SATB1: variants seen among roughly 807,000 people sequenced by gnomAD.
The protein encoded by SATB1 is SATB homeobox 1, also known as DNA-binding protein SATB1.
SATB1 carries 11 observed loss-of-function variants against 86.9 expected under a neutral mutation model. The ratio of observed to expected loss-of-function variants is 0.13; its 90% CI spans 0.08 to 0.21. The LOEUF (loss-of-function observed/expected upper bound fraction) is 0.21. Among genes scored for constraint, SATB1 ranks in the 10% least tolerant of loss-of-function variants. The probability of loss-of-function intolerance (pLI) is 1.00; values close to 1 mark genes in which losing one functional copy is unlikely to be tolerated. For missense variants in SATB1, 551 were observed against 937.6 expected, an observed-to-expected ratio of 0.59 and a Z score of 5.39; for synonymous variants, 357 against 357.2, an observed-to-expected ratio of 1.00 and a Z score of 0.01.
chr3:18,407,426 T>G (rs1697596002), intron 5 of SATB1, among the ~76,000 whole-genome samples: 1 of 151,978 alleles, frequency 6.6e-6, no homozygotes, highest in Admixed American at 6.6e-5. Context: ...AGCCAGAGAG[T>G]TACATAGACC....
chr3:18,412,871 T>C (rs1364723347), intron 5 of SATB1, among the ~76,000 whole-genome samples: 2 of 152,024 alleles, frequency 1.3e-5, no homozygotes, highest in African/African-American at 2.4e-5. Flanking sequence ...ATCAGATTCA[T>C]AGAAAAAGAG....
At chr3:18,366,676 T>C (rs1203438875) in intron 9 of SATB1, among the ~76,000 whole-genome samples, 2 of 152,178 alleles carry the variant, frequency 1.3e-5, no homozygotes, top group African/African-American at 4.8e-5. Context: ...GCTAGGTCTC[T>C]GTATGATAAT....
Position 18,381,807 on chromosome 3 carries a change from G to A in SATB1, c.1420-3482C>T, listed in dbSNP as rs1454578374. On this transcript the variant is annotated intron_variant, in intron 8 of 10. Transcript: ENST00000338745. ...AAAATAAGAAATGTCCTCTTTTATGGATGCTTATTAGTGATGGAAAATATT... is the reference window on the plus strand; with the variant it reads ...AAAATAAGAAATGTCCTCTTTTATGAATGCTTATTAGTGATGGAAAATATT... 2.0e-5 allele frequency among the ~76,000 whole-genome samples: 3 copies of A among 151,676 alleles called. No homozygotes were observed. The South Asian group carries it at 6.3e-4, about 32-fold the overall frequency.
At chr3:18,430,978 G>A (rs1698870751) in intron 2 of SATB1, among the ~76,000 whole-genome samples, 1 of 152,110 alleles carries the variant, frequency 6.6e-6, no homozygotes, top group South Asian at 2.1e-4. Flanking sequence ...AGGATATCTG[G>A]GCCTTTTACT....
intron 9 of SATB1, among the ~76,000 whole-genome samples, chr3:18,358,933 T>C (rs953911303): frequency 3.9e-5 from 6 of 151,936 alleles, no homozygotes; most frequent in African/African-American, 1.2e-4. Flanking sequence ...TTTGCTTGAG[T>C]AAATTTTTGC....
Position 18,394,301 on chromosome 3 carries a change from A to G in SATB1, c.1206+161T>C, listed in dbSNP as rs868516130. On this transcript the variant is annotated intron_variant, in intron 7 of 10. Coordinates refer to ENST00000338745, the MANE Select transcript of SATB1 (RefSeq NM_002971.6). This position sits in a 1 kb window ranked among gnomAD's most constrained non-coding sequence, Gnocchi z 5.9. Reference sequence around the variant, plus strand: ...TTCAGAAGTATATCATAGGAAAAGGAGTGGTAAAATTGAGGCTCCACCAGG... The same window carrying G: ...TTCAGAAGTATATCATAGGAAAAGGGGTGGTAAAATTGAGGCTCCACCAGG... 6.6e-6 allele frequency among the ~76,000 whole-genome samples: 1 copy of G among 152,230 alleles called. No individual in the cohort carries two copies. Among genetic ancestry groups the G allele is most frequent in the African/African-American group, 2.4e-5 (1 of 41,458 alleles).
intron 8 of SATB1, among the ~76,000 whole-genome samples, chr3:18,381,122 T>C (rs921470325): frequency 3.9e-5 from 6 of 152,212 alleles, no homozygotes; most frequent in African/African-American, 9.6e-5. Flanking sequence ...CATGTGGGGA[T>C]AGGGTGCAGC....
intron 5 of SATB1, among the ~76,000 whole-genome samples, 184 bp from the exon 6 acceptor site, chr3:18,397,474 T>A (rs563210837): frequency 6.4e-4 from 97 of 152,290 alleles, no homozygotes; most frequent in South Asian, 5.6e-3. Context: ...AATGCTTATT[T>A]AAGTAGAAAG....
chr3:18,412,422 A>G (rs1447897775), intron 5 of SATB1, among the ~76,000 whole-genome samples: 1 of 152,076 alleles, frequency 6.6e-6, no homozygotes, highest in Non-Finnish European at 1.5e-5. Context: ...ACCTGCCCAC[A>G]GGGTGAACTT....
chr3:18,356,462 C>A, intron 9 of SATB1, among the ~76,000 whole-genome samples: 1 of 147,670 alleles, frequency 6.8e-6, no homozygotes, highest in African/African-American at 2.5e-5. Context: ...GAATAACTGC[C>A]AAATCAGTAC....
intron 10 of SATB1, chr3:18,351,418 A>G: frequency 6.5e-7 from 1 of 1,532,820 alleles, no homozygotes; most frequent in Non-Finnish European, 8.8e-7. Flanking sequence ...TCTAAAGGAA[A>G]GACAAACAGA....
rs991945299 is a variant in SATB1, at chr3:18,422,984, A to C, written c.-25+643T>G. 2.6e-5 allele frequency among the ~76,000 whole-genome samples: 4 copies of C among 152,340 alleles called. No homozygotes were observed. In the East Asian group the frequency reaches 7.7e-4, roughly 29 times the overall value. On this transcript the variant is annotated intron_variant, in intron 1 of 10. Transcript: ENST00000338745. ...ACCTATAAGCATCTATTAAACACTAAGTCGTGGTGTAAAAAGCTTTACATT... is the reference window on the plus strand; with the variant it reads ...ACCTATAAGCATCTATTAAACACTACGTCGTGGTGTAAAAAGCTTTACATT...
At position 18,394,734 on chromosome 3, in the gene SATB1, T is replaced by C. The variant is rs759463435; in HGVS notation, c.934A>G (p.Ile312Val). 10 of 1,613,918 alleles carry C rather than the reference T, an allele frequency of 6.2e-6. No homozygotes were observed. The highest frequency in any genetic ancestry group is 1.7e-5 in the Admixed American group (1 of 59,990). Residue 312 changes from isoleucine (I) to valine (V), a missense_variant, in exon 7 of 11, where the codon ATC becomes GTC. Ile to Val is a conservative substitution (Grantham distance 29). Coordinates refer to ENST00000338745, the MANE Select transcript of SATB1 (RefSeq NM_002971.6). The surrounding 1 kb of genome is among the most constrained non-coding windows in gnomAD (Gnocchi z 5.9). Reference sequence around the variant, plus strand: ...TGCTGGTTGACCAATTGAGGACTGATAGGTGTTGATACGAGCCCAGGGTGC... The same window carrying C: ...TGCTGGTTGACCAATTGAGGACTGACAGGTGTTGATACGAGCCCAGGGTGC... ...NLHPGLVSTP[I>V]SPQLVNQQLV...
chr3:18,401,472 C>G (rs1365268591), intron 5 of SATB1, among the ~76,000 whole-genome samples: 1 of 151,976 alleles, frequency 6.6e-6, no homozygotes, highest in African/African-American at 2.4e-5. Context: ...TATTCCAGTT[C>G]TCTCTCAGTG....
At chr3:18,415,811 G>T (rs569068253) in intron 4 of SATB1, among the ~76,000 whole-genome samples, 196 bp downstream of exon 4, 4 of 151,588 alleles carry the variant, frequency 2.6e-5, no homozygotes, top group Non-Finnish European at 4.4e-5. Flanking sequence ...TTGTGTGTGT[G>T]GGGGGGGGGA....
intron 2 of SATB1, chr3:18,435,117 T>C (rs1699017185): frequency 6.6e-6 from 1 of 152,162 alleles, no homozygotes; most frequent in South Asian, 2.1e-4. Flanking sequence ...AGCTGACCTA[T>C]GTTTAAGGGA....
chr3:18,425,731 G>C (rs1052480144), upstream of SATB1, among the ~76,000 whole-genome samples: 1 of 151,818 alleles, frequency 6.6e-6, no homozygotes, highest in African/African-American at 2.4e-5. Flanking sequence ...AGGGGAGGAG[G>C]AGAGGGGGCT....
intron 3 of SATB1, among the ~76,000 whole-genome samples, chr3:18,416,381 C>T (rs1698113089): frequency 6.6e-6 from 1 of 152,020 alleles, no homozygotes; most frequent in Non-Finnish European, 1.5e-5. Context: ...ATCAATAAAA[C>T]CTATGCATAA....
chr3:18,370,753 CAG>C (rs1695441510), intron 9 of SATB1, among the ~76,000 whole-genome samples: 7 of 151,978 alleles, frequency 4.6e-5, no homozygotes, highest in Admixed American at 4.6e-4. Context: ...GAACAGAAAA[CAG>C]AGGCCTCATC....
Sources: gnomAD v4.1 joint callset for allele counts (sites outside exome capture counted in the v4.1 genomes callset) on GRCh38, gnomAD v4.1.1 for gene constraint, Gnocchi (gnomAD v3.1) non-coding constraint, MANE v1.5 for transcripts, NCBI Gene and HGNC (gene_info 2026-07-23, HGNC 2026-07-21) for gene names.